Variants in P3H1 observed in about 807,000 individuals in gnomAD.
P3H1 encodes the protein growth suppressor 1.
In P3H1, 69 loss-of-function variants were observed where a neutral mutation model predicts 84.0. The observed-to-expected ratio is 0.82, with a 90% CI of 0.68 to 1.00. P3H1 has a LOEUF of 1.00. Among genes scored for constraint, P3H1 ranks in the 50% least tolerant of loss-of-function variants. The pLI is 0.00. For missense variants in P3H1, 878 were observed against 962.8 expected, an observed-to-expected ratio of 0.91 and a Z score of 1.17; for synonymous variants, 366 against 388.8, an observed-to-expected ratio of 0.94 and a Z score of 0.69.
rs772007981 is a variant in P3H1 at position 42,755,009 on chromosome 1, T to C, written c.1224-19A>G. 1 of 1,614,188 alleles carries C rather than the reference T, an allele frequency of 6.2e-7. No homozygotes were observed. Among genetic ancestry groups the C allele is most frequent in the Non-Finnish European group, 8.5e-7 (1 of 1,180,050 alleles). On this transcript the variant is annotated intron_variant, in intron 7 of 14. Transcript: ENST00000296388. ...TTCTGACCTATGAGCACAGCCGCTC[T>C]GAGGACTGCATTCCAGGGCCAGCCC...
chr1:42,760,934 T>C (rs1409336558), intron 2 of P3H1: 1 of 150,766 alleles, frequency 6.6e-6, no homozygotes, highest in Non-Finnish European at 1.5e-5. Flanking sequence ...ATGACAGGTG[T>C]GACCCACTGC....
intron 11 of P3H1, among the ~76,000 whole-genome samples, chr1:42,748,908 G>A (rs1025289332): frequency 2.6e-5 from 4 of 152,212 alleles, no homozygotes; most frequent in Non-Finnish European, 4.4e-5. Context: ...TGTAGGCACC[G>A]TCACGTCGTG....
intron 1 of P3H1, among the ~76,000 whole-genome samples, chr1:42,763,309 A>T (rs557160887): frequency 6.6e-6 from 1 of 152,170 alleles, no homozygotes; most frequent in Non-Finnish European, 1.5e-5. Context: ...GTCCTTTACT[A>T]AGTCCAGACA....
chr1:42,762,398 C>T lies in P3H1; in HGVS notation c.543G>A (p.Gln181=). The change falls in exon 2 of 15, where the codon CAG becomes CAA. Residue 181 remains glutamine (Q), a synonymous_variant. Coordinates refer to ENST00000296388, the MANE Select transcript of P3H1 (RefSeq NM_022356.4). ...ACATGGTTTGGTAATAGTCTAGGTT[C>T]TGCTGCATTTCCATGTGCTCAGGAT... ...VGNPEHMEMQ[Q]NLDYYQTMSG... The T allele has an allele frequency of 6.2e-7, 1 of 1,614,190 alleles. No individual in the cohort carries two copies. Among genetic ancestry groups the T allele is most frequent in the South Asian group, 1.1e-5 (1 of 91,082 alleles).
In P3H1 at chr1:42,747,329, C is replaced by T; in HGVS notation, c.1998G>A (p.Arg666=). The T allele has an allele frequency of 6.2e-7, 1 of 1,610,532 alleles. No individual in the cohort carries two copies. The highest frequency in any genetic ancestry group is 8.5e-7 in the Non-Finnish European group (1 of 1,177,486). The part of the protein sequence containing the change: ...ENPHGVKAVT[R]GQRCAIALWF... ...ACAGGGCGATGGCACAGCGCTGCCCCCTGGTGACAGCCTTCACTCCATGTG... is the reference window on the plus strand; with the variant it reads ...ACAGGGCGATGGCACAGCGCTGCCCTCTGGTGACAGCCTTCACTCCATGTG... The change falls in exon 14 of 15, where the codon AGG becomes AGA. Residue 666 remains arginine, a synonymous_variant. Transcript: ENST00000296388.
chr1:42,765,412 C>T (rs1387096451), intron 1 of P3H1, among the ~76,000 whole-genome samples: 2 of 152,200 alleles, frequency 1.3e-5, no homozygotes, highest in East Asian at 3.8e-4. Flanking sequence ...TAACTCTTAA[C>T]AGCAAAGCAA....
chr1:42,756,527 T>C (rs1049622208), intron 5 of P3H1: 7 of 154,364 alleles, frequency 4.5e-5, no homozygotes, highest in African/African-American at 1.7e-4. Context: ...CATGAGGCAG[T>C]TCAAGGAGGA....
At chr1:42,764,629 TGTAATACATG>T (rs772880302) in intron 1 of P3H1, among the ~76,000 whole-genome samples, 4 of 152,150 alleles carry the variant, frequency 2.6e-5, no homozygotes, top group Non-Finnish European at 5.9e-5. Flanking sequence ...ATATGCAGCC[TGTAATACATG>T]GTGCTGGGCA....
chr1:42,747,491 G>A (rs1035288053), intron 13 of P3H1, 79 bp from the exon 14 acceptor site: 2 of 1,420,508 alleles, frequency 1.4e-6, no homozygotes, highest in African/African-American at 2.8e-5. Context: ...GGGCTCATTA[G>A]GGCTCACGAC....
At chr1:42,751,575 ATAAATAAAT>A (rs1652086430) in intron 10 of P3H1, 3 of 129,220 alleles carry the variant, frequency 2.3e-5, no homozygotes, top group Admixed American at 1.5e-4. Context: ...TAAAAAAAAA[ATAAATAAAT>A]AAATAAATAA....
chr1:42,762,409 C>A lies in P3H1; in HGVS notation c.532G>T (p.Glu178Ter). 6.2e-7 allele frequency: 1 copy of A among 1,614,170 alleles called. No individual in the cohort carries two copies. Among genetic ancestry groups the A allele is most frequent in the East Asian group, 2.2e-5 (1 of 44,884 alleles). Reference sequence around the variant, plus strand: ...TAATAGTCTAGGTTCTGCTGCATTTCCATGTGCTCAGGATTGCCCACGAAG... The same window carrying A: ...TAATAGTCTAGGTTCTGCTGCATTTACATGTGCTCAGGATTGCCCACGAAG... ...TFFVGNPEHM[E>*]MQQNLDYYQT... Residue 178 changes from glutamate (E) to a stop codon, truncating the protein, a stop_gained, in exon 2 of 15, where the codon GAA becomes TAA. Transcript: ENST00000296388. LOFTEE classifies it high-confidence loss of function.
Position 42,746,771 on chromosome 1 carries a change from C to T in P3H1, c.2137G>A (p.Ala713Thr), listed in dbSNP as rs1359527972. 3 of 1,561,836 alleles carry T rather than the reference C, an allele frequency of 1.9e-6. No homozygotes were observed. The Admixed American group carries it at 5.8e-5, about 30-fold the overall frequency. The change falls in exon 15 of 15, where the codon GCC becomes ACC. Residue 713 changes from alanine (A) to threonine (T), a missense_variant. Physicochemically the swap from Ala to Thr is moderately conservative, Grantham distance 58. Coordinates refer to ENST00000296388, the MANE Select transcript of P3H1 (RefSeq NM_022356.4). ...GCAGGTTCGGGGGGGCCCTGCTGGG[C>T]ATCCAGGGGCTGCTCCTGGGAGAGG... ...MDLSQEQPLD[A>T]QQGPPEPAQE...
chr1:42,748,463 GC>G, intron 11 of P3H1, 146 bp from the exon 12 acceptor site: 3 of 732,294 alleles, frequency 4.1e-6, no homozygotes, highest in Non-Finnish European at 7.4e-6. Flanking sequence ...TAAGCCACAA[GC>G]CTAGGGGTCA....
intron 5 of P3H1, 25 bp from the exon 6 acceptor site, chr1:42,755,662 C>T (rs748542899): frequency 5.1e-5 from 80 of 1,572,148 alleles, no homozygotes; most frequent in Non-Finnish European, 6.9e-5. Flanking sequence ...GCAAACAAAT[C>T]CCCCAGAACT....
intron 12 of P3H1, 101 bp downstream of exon 12, chr1:42,748,095 CCCAA>C: frequency 4.7e-6 from 4 of 848,922 alleles, no homozygotes; most frequent in Non-Finnish European, 7.8e-6. Context: ...AACAGCTAGC[CCCAA>C]CCAGTGTGTG....
rs997318841 is a variant in P3H1, at chr1:42,755,288, A to T, written c.1171-71T>A. ...ATCTTCCAGGTGTCTCAATGCATAA[A>T]ATAAGGCCCACAGGAGTAATCCAGC... is the stretch of plus-strand genomic sequence containing the variant. On this transcript the variant is annotated intron_variant, in intron 6 of 14. Coordinates refer to ENST00000296388, the MANE Select transcript of P3H1 (RefSeq NM_022356.4). 35 of 1,426,274 alleles carry T rather than the reference A, an allele frequency of 2.5e-5. 1 individual carries two copies. The East Asian group carries it at 4.1e-4, about 17-fold the overall frequency. 88.4% of individuals were successfully genotyped at this position (1,426,274 alleles called of 1,614,324 possible). A position where few individuals can be genotyped will look rare whatever the true frequency, so the allele number is the denominator to read the frequency against.
rs780173522 is a variant in P3H1 at position 42,754,972 on chromosome 1, G to A, written c.1242C>T (p.Ala414=). ...TCCCAATCTCCTGGGAGATGCGTAC[G>A]GCTGTTTCCCGTTCTGACCTATGAG... ...QEKQKSERET[A]VRISQEIGNL... Residue 414 remains alanine, a synonymous_variant, in exon 8 of 15, where the codon GCC becomes GCT. Coordinates refer to ENST00000296388, the MANE Select transcript of P3H1 (RefSeq NM_022356.4). The surrounding 1 kb of genome is among the most constrained non-coding windows in gnomAD (Gnocchi z 4.0). 1.8e-5 allele frequency: 29 copies of A among 1,614,038 alleles called. No individual in the cohort carries two copies. The highest frequency in any genetic ancestry group is 7.7e-5 in the South Asian group (7 of 91,080).
At chr1:42,748,386 G>A in intron 11 of P3H1, 69 bp from the exon 12 acceptor site, 2 of 1,197,614 alleles carry the variant, frequency 1.7e-6, no homozygotes, top group Admixed American at 1.7e-5. Flanking sequence ...TTCTTGGCAG[G>A]GGAGGTGCTT....
rs752671524 is a variant in P3H1, at chr1:42,746,753, C to CG, written c.2154dup (p.Glu719ArgfsTer11). ...CCTGAGAGAGACTCTTGTGCAGGTTCGGGGGGGCCCTGCTGGGCATCCAGG... is the reference window on the plus strand; with the variant it reads ...CCTGAGAGAGACTCTTGTGCAGGTTCGGGGGGGGCCCTGCTGGGCATCCAGG... On this transcript the variant is annotated frameshift_variant, in exon 15 of 15. Coordinates refer to ENST00000296388, the MANE Select transcript of P3H1 (RefSeq NM_022356.4). LOFTEE classifies it high-confidence loss of function. 6 of 1,553,622 alleles carry CG rather than the reference C, an allele frequency of 3.9e-6. No individual in the cohort carries two copies. The highest frequency in any genetic ancestry group is 2.4e-5 in the East Asian group (1 of 41,062).
Sources: allele counts gnomAD v4.1 joint callset (sites outside exome capture counted in the v4.1 genomes callset), GRCh38; gene constraint gnomAD v4.1.1; non-coding constraint Gnocchi (gnomAD v3.1); transcripts MANE v1.5; gene names NCBI Gene and HGNC (gene_info 2026-07-23, HGNC 2026-07-21).